Variants in EPN2 observed in about 807,000 individuals in gnomAD.
EPN2 encodes the protein epsin 2, also known as epsin-2.
EPN2 carries 34 observed loss-of-function variants against 61.7 expected under a neutral mutation model. The observed-to-expected ratio is 0.55, with a 90% CI of 0.42 to 0.73. The LOEUF (loss-of-function observed/expected upper bound fraction) is 0.73, where lower values mean the gene tolerates loss of function less well. Ranked by LOEUF, EPN2 falls within the 30% of genes least tolerant of loss-of-function variation. The pLI, the probability that EPN2 is intolerant of heterozygous loss-of-function variation, is 0.00. For synonymous variants in EPN2, 349 were observed against 353.6 expected (o/e 0.99, Z 0.15); for missense variants, 714 against 839.2 (o/e 0.85, Z 1.84).
intron 1 of EPN2, among the ~76,000 whole-genome samples, chr17:19,276,773 G>GTTTTTCTTTTTTTTTTTTTTTTTT (rs370693392): frequency 1.2e-4 from 14 of 119,322 alleles, no homozygotes; most frequent in African/African-American, 5.4e-4. Flanking sequence ...ATGAGAATAA[G>GTTTTTCTTTTTTTTTTTTTTTTTT]TTTTTTTTTT....
intron 4 of EPN2, among the ~76,000 whole-genome samples, chr17:19,304,837 C>T (rs1451942880): frequency 6.6e-6 from 1 of 152,174 alleles, no homozygotes; most frequent in Admixed American, 6.5e-5. Context: ...GGCTGACATG[C>T]ACAGGGTGTG....
intron 1 of EPN2, chr17:19,271,525 G>T (rs1026201624): frequency 1.3e-5 from 2 of 152,284 alleles, no homozygotes; most frequent in Non-Finnish European, 2.9e-5. Context: ...CAGCTAAGGT[G>T]AGCCTGCTCT....
At chr17:19,255,929 GTTTTTTA>G (rs908663860) in intron 1 of EPN2, among the ~76,000 whole-genome samples, 1 of 151,568 alleles carries the variant, frequency 6.6e-6, no homozygotes, top group African/African-American at 2.4e-5. Context: ...AATCCCTCCT[GTTTTTTA>G]TTTTTTATTT....
At chr17:19,308,129 A>G (rs1419202771) in intron 4 of EPN2, 19 of 728,414 alleles carry the variant, frequency 2.6e-5, no homozygotes, top group Non-Finnish European at 3.0e-5. Flanking sequence ...GCTGGAGTGC[A>G]GTAGCTTGAT....
In EPN2 at chr17:19,283,753, GC is replaced by G; in HGVS notation, c.595+40del. ...GTGCTTCTCACCCTTTGCCAGAGCA[GC>G]AGCAATGGGTGACAGGCAGGGTGGG... is the stretch of plus-strand genomic sequence containing the variant. On this transcript the variant is annotated intron_variant, in intron 3 of 10. Coordinates refer to ENST00000314728, the MANE Select transcript of EPN2 (RefSeq NM_014964.5). The surrounding 1 kb of genome is among the most constrained non-coding windows in gnomAD (Gnocchi z 7.0). 3 of 1,439,020 alleles carry G rather than the reference GC, an allele frequency of 2.1e-6. No homozygotes were observed. The East Asian group carries it at 7.1e-5, about 34-fold the overall frequency. The allele number at this position is 1,439,020 out of a possible 1,614,324, so 89.1% of individuals were successfully genotyped here. A position where few individuals can be genotyped will look rare whatever the true frequency, so the allele number is the denominator to read the frequency against.
At chr17:19,256,138 CA>C (rs1438359395) in intron 1 of EPN2, among the ~76,000 whole-genome samples, 1 of 151,892 alleles carries the variant, frequency 6.6e-6, no homozygotes, top group Non-Finnish European at 1.5e-5. Flanking sequence ...GGGGTTTCAC[CA>C]TGTTAGCCAG....
At position 19,243,384 on chromosome 17, in the gene EPN2, A is replaced by ATTTTTTTTTT. The variant is rs1013094131; in HGVS notation, c.-294+5872_-294+5881dup. On this transcript the variant is annotated intron_variant, in intron 1 of 10. Coordinates refer to ENST00000314728, the MANE Select transcript of EPN2 (RefSeq NM_014964.5). ...AGGTGTGTGCTACCATGCCTGGCTA[A>ATTTTTTTTTT]TTTTTTTTTTTTTTTTTTTTTTTTT... Among the ~76,000 whole-genome samples, 4 of 77,280 alleles carry ATTTTTTTTTT rather than the reference A, an allele frequency of 5.2e-5. 1 individual carries two copies. The highest frequency in any genetic ancestry group is 5.6e-4 in the East Asian group (1 of 1,778). The allele number at this position is 77,280 out of a possible 152,430, so 50.7% of individuals were successfully genotyped here.
chr17:19,247,239 G>C (rs971102237), intron 1 of EPN2, among the ~76,000 whole-genome samples: 2 of 152,208 alleles, frequency 1.3e-5, no homozygotes, highest in East Asian at 1.9e-4. Context: ...CATGACTGAG[G>C]CCAGTGTCAA....
At chr17:19,279,629 G>A (rs1326191361) in intron 1 of EPN2, among the ~76,000 whole-genome samples, 4 of 151,650 alleles carry the variant, frequency 2.6e-5, no homozygotes, top group Non-Finnish European at 5.9e-5. Flanking sequence ...TAGTAGAGAC[G>A]GGGTTTCACC....
intron 4 of EPN2, among the ~76,000 whole-genome samples, chr17:19,304,471 C>A (rs1905723939): frequency 6.6e-6 from 1 of 152,220 alleles, no homozygotes; most frequent in Non-Finnish European, 1.5e-5. Context: ...CAGAAAGCAA[C>A]CCCAGGCCTG....
In EPN2 at chr17:19,328,714, C is replaced by G. The variant is rs1411892170; in HGVS notation, c.1151C>G (p.Thr384Ser). 6.2e-7 allele frequency: 1 copy of G among 1,605,578 alleles called. No individual in the cohort carries two copies. The highest frequency in any genetic ancestry group is 8.5e-7 in the Non-Finnish European group (1 of 1,174,794). The change falls in exon 8 of 11, where the codon ACC (threonine) becomes AGC (serine). Residue 384 changes from threonine to serine, a missense_variant. Around this residue, in one of 2 missense-constraint regions of EPN2, gnomAD observed 410 missense variants for 421.8 expected, o/e 0.97. Coordinates refer to ENST00000314728, the MANE Select transcript of EPN2 (RefSeq NM_014964.5). The stretch of plus-strand genomic sequence containing the variant: ...CCCTGACCCTGCCTTCCAACAGGTA[C>G]CAAGCCAGCTGCCTCCATTGACCCA... ...STSDPWPSFGTKPAASIDPWG... is the reference protein window; with the variant it reads ...STSDPWPSFGSKPAASIDPWG...
chr17:19,310,036 C>A, intron 5 of EPN2, 39 bp downstream of exon 5: 1 of 1,412,042 alleles, frequency 7.1e-7, no homozygotes, highest in African/African-American at 1.4e-5. Flanking sequence ...ATTGACTGCC[C>A]ATGCTCAGGG....
chr17:19,335,940 T>C lies in EPN2; in HGVS notation c.*1686T>C, dbSNP rs1203719249. On this transcript the variant is annotated 3_prime_UTR_variant, in exon 11 of 11. Transcript: ENST00000314728. Reference sequence around the variant, plus strand: ...GCCTGGTGGATGTTTCTGGCCCTTTTTCCACCATGGGAATTTCTCACCTCT... The same window carrying C: ...GCCTGGTGGATGTTTCTGGCCCTTTCTCCACCATGGGAATTTCTCACCTCT... The C allele has an allele frequency of 6.5e-6, 1 of 152,762 alleles. No individual in the cohort carries two copies. The highest frequency in any genetic ancestry group is 1.5e-5 in the Non-Finnish European group (1 of 68,420). 9.5% of individuals were successfully genotyped at this position (152,762 alleles called of 1,614,324 possible). A position where few individuals can be genotyped will look rare whatever the true frequency, so the allele number is the denominator to read the frequency against.
chr17:19,292,661 A>T (rs1285144966), intron 4 of EPN2, among the ~76,000 whole-genome samples: 1 of 152,272 alleles, frequency 6.6e-6, no homozygotes. Context: ...CGTTCTTGCC[A>T]CAAGGGCTTG....
chr17:19,240,713 C>T (rs2044875098), intron 1 of EPN2, among the ~76,000 whole-genome samples: 1 of 152,186 alleles, frequency 6.6e-6, no homozygotes, highest in African/African-American at 2.4e-5. Context: ...CTCTGCTATC[C>T]TACCTTCACC....
At chr17:19,253,090 C>G (rs1178733235) in intron 1 of EPN2, among the ~76,000 whole-genome samples, 1 of 152,194 alleles carries the variant, frequency 6.6e-6, no homozygotes, top group Non-Finnish European at 1.5e-5. Context: ...ACTTTTTCAT[C>G]ACTCCAAAAG....
At chr17:19,304,646 A>C (rs1274688799) in intron 4 of EPN2, among the ~76,000 whole-genome samples, 1 of 151,952 alleles carries the variant, frequency 6.6e-6, no homozygotes, top group East Asian at 1.9e-4. Flanking sequence ...GCATCCCAGC[A>C]CTCCTGACCC....
At chr17:19,303,036 C>T (rs765083902) in intron 4 of EPN2, among the ~76,000 whole-genome samples, 7 of 152,220 alleles carry the variant, frequency 4.6e-5, no homozygotes, top group Admixed American at 1.3e-4. Flanking sequence ...ACAGAGTGTG[C>T]GTTCAGTCGC....
chr17:19,285,371 A>G lies in EPN2; in HGVS notation c.596-249A>G, dbSNP rs893298167. On this transcript the variant is annotated intron_variant, in intron 3 of 10. Transcript: ENST00000314728. The surrounding 1 kb of genome is among the most constrained non-coding windows in gnomAD (Gnocchi z 4.5). Reference sequence around the variant, plus strand: ...TCCTCATACCGAGTCCAGGGCCTGTAGCCATAGGTCCTGCTGGGCTAAATG... The same window carrying G: ...TCCTCATACCGAGTCCAGGGCCTGTGGCCATAGGTCCTGCTGGGCTAAATG... 1.3e-5 allele frequency among the ~76,000 whole-genome samples: 2 copies of G among 152,232 alleles called. No individual in the cohort carries two copies. The highest frequency in any genetic ancestry group is 2.4e-5 in the African/African-American group (1 of 41,462).
Sources: gnomAD v4.1 joint callset for allele counts (sites outside exome capture counted in the v4.1 genomes callset) on GRCh38, gnomAD v4.1.1 for gene constraint, gnomAD v4.1.1 regional missense constraint, Gnocchi (gnomAD v3.1) non-coding constraint, MANE v1.5 for transcripts, NCBI Gene and HGNC (gene_info 2026-07-23, HGNC 2026-07-21) for gene names.